ZNF623: variants seen among roughly 807,000 people sequenced by gnomAD.
The protein encoded by ZNF623 is zinc finger protein 623.
ZNF623 carries 16 observed loss-of-function variants against 24.0 expected under a neutral mutation model. The ratio of observed to expected loss-of-function variants is 0.67; its 90% confidence interval spans 0.45 to 1.01. The LOEUF is 1.01. Among genes scored for constraint, ZNF623 ranks in the 50% least tolerant of loss-of-function variants. The probability of loss-of-function intolerance (pLI) is 0.00; values close to 1 mark genes in which losing one functional copy is unlikely to be tolerated. For synonymous variants in ZNF623, 224 were observed against 219.8 expected (o/e 1.02, Z -0.17); for missense variants, 566 against 606.5 (o/e 0.93, Z 0.70).
At chr8:143,640,770 G>A (rs772729299) in intron 1 of ZNF623, among the ~76,000 whole-genome samples, 5 of 151,662 alleles carry the variant, frequency 3.3e-5, no homozygotes, top group Admixed American at 2.0e-4. Flanking sequence ...GCCAAATCCC[G>A]TCTCTACTAA....
chr8:143,650,116 A>C lies in ZNF623; in HGVS notation c.124A>C (p.Thr42Pro). 7.4e-6 allele frequency: 12 copies of C among 1,614,166 alleles called. No homozygotes were observed. Among genetic ancestry groups the C allele is most frequent in the Non-Finnish European group, 1.0e-5 (12 of 1,180,052 alleles). Residue 42 changes from threonine to proline, a missense_variant, in exon 2 of 2, where the codon ACA becomes CCA. Physicochemically the swap from Thr to Pro is conservative, Grantham distance 38. Around this residue, in one of 3 missense-constraint regions of ZNF623, gnomAD observed 313 missense variants for 300.4 expected, o/e 1.04. Coordinates refer to ENST00000526926, the MANE Select transcript of ZNF623 (RefSeq NM_001261843.2). The surrounding 1 kb of genome is among the most constrained non-coding windows in gnomAD (Gnocchi z 5.2). ...PSQDRGCKQV[T>P]VTHWKIQTGE... The stretch of plus-strand genomic sequence containing the variant: ...TCAGGACAGGGGCTGCAAGCAGGTG[A>C]CAGTGACCCATTGGAAGATCCAGAC...
intron 1 of ZNF623, among the ~76,000 whole-genome samples, chr8:143,638,939 C>G (rs1814985875): frequency 6.6e-6 from 1 of 152,108 alleles, no homozygotes. Flanking sequence ...GTTGCCCAGG[C>G]TGGAGTGCAA....
intron 1 of ZNF623, among the ~76,000 whole-genome samples, chr8:143,639,137 C>T (rs901334186): frequency 1.3e-5 from 2 of 152,104 alleles, no homozygotes; most frequent in Non-Finnish European, 2.9e-5. Context: ...GGTGATCTGC[C>T]TGCCTCGGCC....
rs911002713 is a variant in ZNF623 at position 143,649,970 on chromosome 8, C to T, written c.-23C>T. 89 of 1,614,026 alleles carry T rather than the reference C, an allele frequency of 5.5e-5. No individual in the cohort carries two copies. Among genetic ancestry groups the T allele is most frequent in the African/African-American group, 1.2e-4 (9 of 74,930 alleles). ...TCTGAGGATGAAAACTCACATAGGA[C>T]GACGTCAGACAGACTCACGGTGATG... On this transcript the variant is annotated 5_prime_UTR_variant, in exon 2 of 2. In the 5' UTR this introduces an upstream ATG that the reference lacks. Coordinates refer to ENST00000526926, the MANE Select transcript of ZNF623 (RefSeq NM_001261843.2).
chr8:143,636,438 C>G (rs531639053), intron 1 of ZNF623: 1 of 152,566 alleles, frequency 6.6e-6, no homozygotes, highest in African/African-American at 2.4e-5. Context: ...GGTTCCCTCT[C>G]CTTCCCCCCG....
At position 143,644,830 on chromosome 8, in the gene ZNF623, A is replaced by C. The variant is rs1481555829; in HGVS notation, c.-95-5068A>C. ...TGTGCGAGAGAGCAAGACTATCTTT[A>C]AAAAAAAAAAAAAAAAGCCCGGGCG... On this transcript the variant is annotated intron_variant, in intron 1 of 1. Transcript: ENST00000526926. 8.5e-3 allele frequency among the ~76,000 whole-genome samples: 20 copies of C among 2,344 alleles called. No individual in the cohort carries two copies. The Non-Finnish European group carries it at 0.26, about 30-fold the overall frequency. 1.5% of individuals were successfully genotyped at this position (2,344 alleles called of 152,430 possible). A position where few individuals can be genotyped will look rare whatever the true frequency, so the allele number is the denominator to read the frequency against.
Position 143,651,149 on chromosome 8 carries a change from C to G in ZNF623, c.1157C>G (p.Ser386Cys), listed in dbSNP as rs770671656. 2.5e-6 allele frequency: 4 copies of G among 1,614,150 alleles called. No individual in the cohort carries two copies. In the Admixed American group the frequency reaches 5.0e-5, roughly 20 times the overall value. ...AHLTEHQKIHSGDRPFECKDC... is the reference protein window; with the variant it reads ...AHLTEHQKIHCGDRPFECKDC... Reference sequence around the variant, plus strand: ...CTCACTGAGCACCAGAAGATCCACTCTGGGGACAGGCCCTTCGAATGTAAA... The same window carrying G: ...CTCACTGAGCACCAGAAGATCCACTGTGGGGACAGGCCCTTCGAATGTAAA... Residue 386 changes from serine to cysteine, a missense_variant, in exon 2 of 2, where the codon TCT (serine) becomes TGT (cysteine). By Grantham distance (112) the Ser-to-Cys change is moderately radical. Coordinates refer to ENST00000526926, the MANE Select transcript of ZNF623 (RefSeq NM_001261843.2).
intron 1 of ZNF623, among the ~76,000 whole-genome samples, chr8:143,643,426 G>A (rs1318554811): frequency 1.3e-5 from 2 of 152,244 alleles, no homozygotes; most frequent in African/African-American, 2.4e-5. Context: ...TGGAGCAGTG[G>A]ATAACTGGGA....
chr8:143,651,050 A>C lies in ZNF623; in HGVS notation c.1058A>C (p.His353Pro), dbSNP rs1416275825. 8 of 1,614,224 alleles carry C rather than the reference A, an allele frequency of 5.0e-6. No individual in the cohort carries two copies. The highest frequency in any genetic ancestry group is 6.8e-6 in the Non-Finnish European group (8 of 1,180,044). ...TTTCTGAGTTCATACCTTATTCGAC[A>C]CCAGAAAATCCACACTGGAGAGAGA... ...AFFLSSYLIRHQKIHTGERVY... is the reference protein window; with the variant it reads ...AFFLSSYLIRPQKIHTGERVY... Residue 353 changes from histidine to proline, a missense_variant, in exon 2 of 2, where the codon CAC becomes CCC. Physicochemically the swap from His to Pro is moderately conservative, Grantham distance 77. Transcript: ENST00000526926.
In ZNF623 at chr8:143,650,210, T is replaced by A; in HGVS notation, c.218T>A (p.Leu73His). ...ATTCTGAACTCAGACCTTCTTCTGCTTCAGAGAGAGCTCATAGAGGGGGAA... is the reference window on the plus strand; with the variant it reads ...ATTCTGAACTCAGACCTTCTTCTGCATCAGAGAGAGCTCATAGAGGGGGAA... ...NHILNSDLLL[L>H]QRELIEGEAN... Residue 73 changes from leucine (L) to histidine (H), a missense_variant, in exon 2 of 2, where the codon CTT (leucine) becomes CAT (histidine). This residue lies in a region of ZNF623 where 313 missense variants were observed against 300.4 expected (regional missense o/e 1.04). Transcript: ENST00000526926. This position sits in a 1 kb window ranked among gnomAD's most constrained non-coding sequence, Gnocchi z 5.2. The A allele has an allele frequency of 6.2e-7, 1 of 1,614,238 alleles. No individual in the cohort carries two copies. Among genetic ancestry groups the A allele is most frequent in the Non-Finnish European group, 8.5e-7 (1 of 1,180,046 alleles).
rs1815285295 is a variant in ZNF623 at position 143,650,759 on chromosome 8, G to T, written c.767G>T (p.Cys256Phe). The change falls in exon 2 of 2, where the codon TGT (cysteine) becomes TTT (phenylalanine). Residue 256 changes from cysteine (C) to phenylalanine (F), a missense_variant. Transcript: ENST00000526926. This position sits in a 1 kb window ranked among gnomAD's most constrained non-coding sequence, Gnocchi z 5.2. The part of the protein sequence containing the change: ...TEVKQYECKE[C>F]GKAFRHRSDL... Reference sequence around the variant, plus strand: ...GTGAAACAGTATGAATGCAAAGAATGTGGGAAGGCATTCCGTCATCGCTCA... The same window carrying T: ...GTGAAACAGTATGAATGCAAAGAATTTGGGAAGGCATTCCGTCATCGCTCA... The T allele has an allele frequency of 6.2e-7, 1 of 1,614,206 alleles. No homozygotes were observed. Among genetic ancestry groups the T allele is most frequent in the Non-Finnish European group, 8.5e-7 (1 of 1,180,038 alleles).
At chr8:143,645,461 T>G (rs998335547) in intron 1 of ZNF623, among the ~76,000 whole-genome samples, 1 of 151,214 alleles carries the variant, frequency 6.6e-6, no homozygotes, top group African/African-American at 2.4e-5. Context: ...ATCCTCAGAC[T>G]TGAGGCTGGT....
chr8:143,645,835 TC>T (rs1247907877), intron 1 of ZNF623, among the ~76,000 whole-genome samples: 3 of 152,176 alleles, frequency 2.0e-5, no homozygotes, highest in Admixed American at 1.3e-4. Flanking sequence ...CAGGATAGGC[TC>T]CAGCTACCCA....
At chr8:143,644,946 C>G (rs1204825829) in intron 1 of ZNF623, among the ~76,000 whole-genome samples, 1 of 149,152 alleles carries the variant, frequency 6.7e-6, no homozygotes, top group Admixed American at 6.7e-5. Flanking sequence ...CTAACCAACA[C>G]GGAGAAACCC....
At chr8:143,643,962 T>C (rs923164391) in intron 1 of ZNF623, among the ~76,000 whole-genome samples, 49 of 152,296 alleles carry the variant, frequency 3.2e-4, no homozygotes, top group Middle Eastern at 3.4e-3. Flanking sequence ...CTTGAAAATA[T>C]CCTCACTGTT....
chr8:143,642,567 A>C (rs182389222), intron 1 of ZNF623, among the ~76,000 whole-genome samples: 42 of 152,272 alleles, frequency 2.8e-4, no homozygotes, highest in Non-Finnish European at 2.9e-5. Context: ...TGCCTTCCTC[A>C]CAAAGCTTAA....
intron 1 of ZNF623, among the ~76,000 whole-genome samples, chr8:143,638,691 AT>A (rs1814980734): frequency 6.7e-6 from 1 of 150,340 alleles, no homozygotes; most frequent in East Asian, 2.0e-4. Flanking sequence ...GGAGGTGGAG[AT>A]TGCAGTGAGC....
intron 1 of ZNF623, among the ~76,000 whole-genome samples, chr8:143,642,639 A>G (rs905693443): frequency 1.3e-5 from 2 of 152,194 alleles, no homozygotes; most frequent in African/African-American, 4.8e-5. Flanking sequence ...GTGAGAGGCC[A>G]TGGTAAGGTT....
At position 143,636,080 on chromosome 8, in the gene ZNF623, C is replaced by G. The variant is rs1814911441; in HGVS notation, c.-161C>G. 1 of 152,232 alleles carries G rather than the reference C, an allele frequency of 6.6e-6. No individual in the cohort carries two copies. Among genetic ancestry groups the G allele is most frequent in the South Asian group, 2.1e-4 (1 of 4,840 alleles). The allele number at this position is 152,232 out of a possible 1,614,324, so 9.4% of individuals were successfully genotyped here. A position where few individuals can be genotyped will look rare whatever the true frequency, so the allele number is the denominator to read the frequency against. On this transcript the variant is annotated 5_prime_UTR_variant, in exon 1 of 2. Transcript: ENST00000526926. ...TTTGTCGGCTGATCTGTGGGGCCCGCGCCGGCGGGGTCCAGTCAGCGGCTG... is the reference window on the plus strand; with the variant it reads ...TTTGTCGGCTGATCTGTGGGGCCCGGGCCGGCGGGGTCCAGTCAGCGGCTG...
Sources: allele counts gnomAD v4.1 joint callset (sites outside exome capture counted in the v4.1 genomes callset), GRCh38; gene constraint gnomAD v4.1.1; regional missense constraint gnomAD v4.1.1; non-coding constraint Gnocchi (gnomAD v3.1); transcripts MANE v1.5; gene names NCBI Gene and HGNC (gene_info 2026-07-23, HGNC 2026-07-21).